EYA1: variants seen among roughly 807,000 people sequenced by gnomAD.
EYA1 encodes protein phosphatase EYA1.
In EYA1, 16 loss-of-function variants were observed where a neutral mutation model predicts 82.0. The observed-to-expected ratio is 0.20, with a 90% confidence interval of 0.13 to 0.30. The LOEUF (loss-of-function observed/expected upper bound fraction) is 0.30. EYA1 is among the 10% of genes least tolerant of loss of function. EYA1 has a pLI of 1.00. For synonymous variants in EYA1, 261 were observed against 264.4 expected (o/e 0.99, Z 0.12); for missense variants, 633 against 730.7 (o/e 0.87, Z 1.54).
chr8:71,372,687 T>A (rs1478618538), intron 2 of EYA1, among the ~76,000 whole-genome samples: 2 of 152,088 alleles, frequency 1.3e-5, no homozygotes, highest in African/African-American at 2.4e-5. Flanking sequence ...TCTGAATATA[T>A]GCAAAGGAGA....
chr8:71,546,511 A>T (rs778311680), intron 1 of EYA1, among the ~76,000 whole-genome samples: 255 of 138,554 alleles, frequency 1.8e-3, no homozygotes, highest in African/African-American at 6.3e-3. Flanking sequence ...ACTGATTCTT[A>T]TTTTTTTTTT....
intron 3 of EYA1, among the ~76,000 whole-genome samples, chr8:71,344,396 G>A (rs571062925): frequency 6.6e-6 from 1 of 152,262 alleles, no homozygotes; most frequent in South Asian, 2.1e-4. Flanking sequence ...TTTAACTGTA[G>A]TTTATATTTA....
At chr8:71,355,163 C>T (rs1330256220) in intron 2 of EYA1, among the ~76,000 whole-genome samples, 1 of 152,152 alleles carries the variant, frequency 6.6e-6, no homozygotes, top group African/African-American at 2.4e-5. Flanking sequence ...TTCTCTTACA[C>T]AGTTCATCAA....
At chr8:71,432,119 A>G (rs1205983198) in intron 2 of EYA1, among the ~76,000 whole-genome samples, 1 of 152,158 alleles carries the variant, frequency 6.6e-6, no homozygotes, top group Non-Finnish European at 1.5e-5. Context: ...TGTTTTGTGA[A>G]CTATACATAT....
intron 2 of EYA1, among the ~76,000 whole-genome samples, chr8:71,522,941 C>T (rs950145966): frequency 9.2e-5 from 14 of 152,092 alleles, no homozygotes; most frequent in Middle Eastern, 3.2e-3. Context: ...TGAAAGGACT[C>T]TTGGAACAAG....
intron 2 of EYA1, among the ~76,000 whole-genome samples, chr8:71,393,661 T>C (rs148476096): frequency 0.035 from 5,377 of 152,294 alleles, 338 homozygotes; most frequent in African/African-American, 0.12. Flanking sequence ...TTCCATGGTG[T>C]ATATGTGCCA....
chr8:71,404,006 T>C (rs1434955039), intron 2 of EYA1: 1 of 152,212 alleles, frequency 6.6e-6, no homozygotes, highest in Non-Finnish European at 1.5e-5. Flanking sequence ...TAAAAAATAA[T>C]TGTGCCTTTT....
At chr8:71,505,937 T>A (rs1430743174) in intron 2 of EYA1, among the ~76,000 whole-genome samples, 1 of 152,166 alleles carries the variant, frequency 6.6e-6, no homozygotes, top group Non-Finnish European at 1.5e-5. Flanking sequence ...TGAGTTCTCA[T>A]GAAACTGATG....
chr8:71,480,388 A>T (rs571068661), intron 2 of EYA1, among the ~76,000 whole-genome samples: 24 of 152,314 alleles, frequency 1.6e-4, no homozygotes, highest in African/African-American at 5.8e-4. Context: ...GCCTTTATAC[A>T]ACAGTACAAA....
intron 1 of EYA1, among the ~76,000 whole-genome samples, chr8:71,543,479 T>A (rs1458098951): frequency 1.3e-5 from 2 of 152,236 alleles, no homozygotes; most frequent in African/African-American, 4.8e-5. Flanking sequence ...TATCAACCTT[T>A]TTTTCCCAGT....
intron 2 of EYA1, among the ~76,000 whole-genome samples, chr8:71,531,755 T>A (rs1814299948): frequency 6.6e-6 from 1 of 152,120 alleles, no homozygotes; most frequent in East Asian, 1.9e-4. Context: ...TGGGAACCCT[T>A]CAGAGGCAAA....
intron 2 of EYA1, among the ~76,000 whole-genome samples, chr8:71,464,294 C>T (rs1218545263): frequency 4.6e-5 from 7 of 152,312 alleles, no homozygotes; most frequent in Middle Eastern, 3.4e-3. Context: ...TTTTTAGCTA[C>T]GGATGCCACA....
intron 12 of EYA1, among the ~76,000 whole-genome samples, chr8:71,230,510 T>C (rs1168367143): frequency 1.3e-5 from 2 of 152,316 alleles, no homozygotes; most frequent in South Asian, 4.1e-4. Flanking sequence ...CCAGATTCTG[T>C]TGTCTCCCTT....
chr8:71,336,659 A>G (rs956566890), intron 3 of EYA1, among the ~76,000 whole-genome samples: 1 of 152,234 alleles, frequency 6.6e-6, no homozygotes, highest in Non-Finnish European at 1.5e-5. Flanking sequence ...AAGGTTAGAA[A>G]GGAAAGGAAG....
At chr8:71,276,210 T>G (rs996519108) in intron 9 of EYA1, among the ~76,000 whole-genome samples, 1 of 152,240 alleles carries the variant, frequency 6.6e-6, no homozygotes, top group African/African-American at 2.4e-5. Context: ...CTTTGTTATC[T>G]TGCACTAATA....
At chr8:71,238,249 A>G (rs1486363883) in intron 12 of EYA1, among the ~76,000 whole-genome samples, 1 of 152,090 alleles carries the variant, frequency 6.6e-6, no homozygotes, top group East Asian at 1.9e-4. Context: ...TCTGTGCCTG[A>G]GCAGTTTGTT....
chr8:71,386,624 T>C (rs1218860671), intron 2 of EYA1, among the ~76,000 whole-genome samples: 1 of 152,218 alleles, frequency 6.6e-6, no homozygotes, highest in Non-Finnish European at 1.5e-5. Context: ...CTTCATACCA[T>C]TCATTCAGAT....
intron 11 of EYA1, among the ~76,000 whole-genome samples, chr8:71,257,082 C>T (rs1450278697): frequency 6.6e-6 from 1 of 151,956 alleles, no homozygotes; most frequent in Non-Finnish European, 1.5e-5. Flanking sequence ...TTTTTAATTT[C>T]ACTAGATGGC....
At chr8:71,421,327 G>A (rs1302509342) in intron 2 of EYA1, among the ~76,000 whole-genome samples, 6 of 152,134 alleles carry the variant, frequency 3.9e-5, no homozygotes, top group African/African-American at 1.4e-4. Flanking sequence ...GAGATGAAAG[G>A]ACACTGGACA....
Sources: gnomAD v4.1 joint callset for allele counts (sites outside exome capture counted in the v4.1 genomes callset) on GRCh38, gnomAD v4.1.1 for gene constraint, MANE v1.5 for transcripts, NCBI Gene and HGNC (gene_info 2026-07-23, HGNC 2026-07-21) for gene names.